Variants in TRPM6 observed in about 807,000 individuals in gnomAD.
The protein encoded by TRPM6 is transient receptor potential cation channel subfamily M member 6, also known as channel kinase 2.
In TRPM6, 111 loss-of-function variants were observed where a neutral mutation model predicts 247.6. The observed-to-expected ratio is 0.45, with a 90% CI of 0.38 to 0.52. The LOEUF (loss-of-function observed/expected upper bound fraction) is 0.52, where lower values mean the gene tolerates loss of function less well. Among genes scored for constraint, TRPM6 ranks in the 20% least tolerant of loss-of-function variants. The pLI, the probability that TRPM6 is intolerant of heterozygous loss-of-function variation, is 0.00. For synonymous variants in TRPM6, 892 were observed against 853.8 expected, an observed-to-expected ratio of 1.04 and a Z score of -0.78; for missense variants, 2,126 against 2,421.5, an observed-to-expected ratio of 0.88 and a Z score of 2.56.
chr9:74,787,879 C>A (rs2118952752), intron 20 of TRPM6, among the ~76,000 whole-genome samples: 1 of 152,228 alleles, frequency 6.6e-6, no homozygotes, highest in Non-Finnish European at 1.5e-5. Context: ...CCATGCCCGG[C>A]TAATTTTTTG....
chr9:74,811,033 A>T (rs1828712099), intron 12 of TRPM6, among the ~76,000 whole-genome samples, 165 bp from the exon 13 acceptor site: 1 of 152,204 alleles, frequency 6.6e-6, no homozygotes, highest in Non-Finnish European at 1.5e-5. Context: ...GTGTTTTCCA[A>T]GAGAAGATGT....
At position 74,747,903 on chromosome 9, in the gene TRPM6, G is replaced by T; in HGVS notation, c.5069C>A (p.Ser1690Ter). The change falls in exon 31 of 39, where the codon TCA (serine) becomes TAA (stop). Residue 1690 changes from serine to a stop codon, truncating the protein, a stop_gained. Transcript: ENST00000360774. LOFTEE classifies it high-confidence loss of function. Reference sequence around the variant, plus strand: ...GAAAAACTTACTGTCAACTCCAATTGAACTTTTCAGCCTGTTTGAAAAAAA... The same window carrying T: ...GAAAAACTTACTGTCAACTCCAATTTAACTTTTCAGCCTGTTTGAAAAAAA... The part of the protein sequence containing the change: ...NLNRNSLLKS[S>*]IGVDKISASL... The T allele has an allele frequency of 1.2e-6, 2 of 1,609,914 alleles. No homozygotes were observed. Among genetic ancestry groups the T allele is most frequent in the South Asian group, 2.2e-5 (2 of 90,408 alleles).
chr9:74,854,410 T>C (rs1830459822), intron 3 of TRPM6, among the ~76,000 whole-genome samples: 1 of 152,226 alleles, frequency 6.6e-6, no homozygotes, highest in Non-Finnish European at 1.5e-5. Context: ...TTGCATTTTA[T>C]TAGGTTTATG....
intron 14 of TRPM6, among the ~76,000 whole-genome samples, chr9:74,806,713 GCA>G (rs1297529541): frequency 6.6e-6 from 1 of 152,126 alleles, no homozygotes. Flanking sequence ...GAGAAAACAT[GCA>G]CAGAGAAGTT....
At chr9:74,805,886 C>G (rs1292439594) in intron 14 of TRPM6, among the ~76,000 whole-genome samples, 1 of 152,096 alleles carries the variant, frequency 6.6e-6, no homozygotes, top group East Asian at 1.9e-4. Flanking sequence ...TAGACCAGTT[C>G]AGAAAAGCTG....
chr9:74,761,938 A>G (rs1587478993), intron 26 of TRPM6, 61 bp downstream of exon 26: 6 of 1,579,206 alleles, frequency 3.8e-6, no homozygotes, highest in South Asian at 1.1e-5. Flanking sequence ...AAACAAAACA[A>G]AACAAAACCA....
At chr9:74,880,742 C>A (rs568099793) in intron 1 of TRPM6, among the ~76,000 whole-genome samples, 1 of 151,972 alleles carries the variant, frequency 6.6e-6, no homozygotes, top group East Asian at 1.9e-4. Context: ...TGAAAATACA[C>A]GAAAGTATAA....
At chr9:74,840,585 T>G (rs6560412) in intron 4 of TRPM6, among the ~76,000 whole-genome samples, 1 of 151,924 alleles carries the variant, frequency 6.6e-6, no homozygotes, top group African/African-American at 2.4e-5. Context: ...GAGGCCGAGG[T>G]GGGCGGAACA....
chr9:74,750,607 C>A, intron 30 of TRPM6, 57 bp downstream of exon 30: 1 of 1,494,884 alleles, frequency 6.7e-7, no homozygotes, highest in South Asian at 1.1e-5. Context: ...TGCTCCTAAC[C>A]AAGTTAAAAA....
At chr9:74,864,328 A>G (rs1208169917) in intron 1 of TRPM6, among the ~76,000 whole-genome samples, 1 of 152,194 alleles carries the variant, frequency 6.6e-6, no homozygotes, top group Non-Finnish European at 1.5e-5. Context: ...ACCATCAATC[A>G]ATCTGTTGGC....
chr9:74,887,766 A>C, intron 1 of TRPM6, 58 bp downstream of exon 1: 1 of 1,613,948 alleles, frequency 6.2e-7, no homozygotes, highest in Non-Finnish European at 8.5e-7. Context: ...CCGGGGGCGC[A>C]GATCTAGCGA....
chr9:74,793,697 C>T (rs555647352), intron 18 of TRPM6, among the ~76,000 whole-genome samples: 15 of 152,310 alleles, frequency 9.8e-5, no homozygotes, highest in African/African-American at 3.1e-4. Context: ...TTCTGACCTT[C>T]GATAGCATCC....
chr9:74,730,372 T>A (rs1047395319), intron 37 of TRPM6, among the ~76,000 whole-genome samples: 2 of 152,176 alleles, frequency 1.3e-5, no homozygotes, highest in East Asian at 3.9e-4. Context: ...AGAAACAATA[T>A]GAGAATTTAT....
chr9:74,770,507 C>T (rs1826995975), intron 25 of TRPM6, among the ~76,000 whole-genome samples: 1 of 152,102 alleles, frequency 6.6e-6, no homozygotes. Context: ...TTATAGCTTC[C>T]TAATATGTTC....
intron 3 of TRPM6, among the ~76,000 whole-genome samples, chr9:74,852,500 G>T (rs1830364240): frequency 1.4e-5 from 2 of 144,610 alleles, no homozygotes; most frequent in African/African-American, 2.6e-5. Context: ...CGTCTCCATG[G>T]TCTCCCTCTC....
chr9:74,743,179 T>C (rs901376104), intron 32 of TRPM6, among the ~76,000 whole-genome samples: 1 of 152,030 alleles, frequency 6.6e-6, no homozygotes, highest in Non-Finnish European at 1.5e-5. Context: ...ACAGCTGGAG[T>C]CAAAATAATA....
At chr9:74,830,753 T>G (rs76048745) in intron 6 of TRPM6, among the ~76,000 whole-genome samples, 2 of 21,604 alleles carry the variant, frequency 9.3e-5, no homozygotes, top group Non-Finnish European at 1.9e-4. Context: ...ATTTTTGTTT[T>G]TTTTTTTTTT....
At chr9:74,843,353 T>A (rs1830005777) in intron 3 of TRPM6, among the ~76,000 whole-genome samples, 1 of 152,126 alleles carries the variant, frequency 6.6e-6, no homozygotes, top group Non-Finnish European at 1.5e-5. Context: ...AAAACTCTCA[T>A]TAATGTTGCA....
intron 3 of TRPM6, among the ~76,000 whole-genome samples, chr9:74,846,430 C>T (rs1486761643): frequency 6.6e-6 from 1 of 152,038 alleles, no homozygotes; most frequent in East Asian, 1.9e-4. Context: ...TCATTTAAAA[C>T]AATTATATTG....
Sources: gnomAD v4.1 joint callset for allele counts (sites outside exome capture counted in the v4.1 genomes callset) on GRCh38, gnomAD v4.1.1 for gene constraint, MANE v1.5 for transcripts, NCBI Gene and HGNC (gene_info 2026-07-23, HGNC 2026-07-21) for gene names.